The following TRHDE variants were observed in gnomAD, a reference collection of about 807,000 sequenced individuals.
The protein encoded by TRHDE is thyrotropin-releasing hormone-degrading ectoenzyme.
Under a neutral mutation model 125.7 loss-of-function variants are expected in TRHDE, and 72 were observed. That is an observed-to-expected ratio of 0.57 (90% confidence interval 0.47 to 0.70). TRHDE has a LOEUF of 0.70. Ranked by LOEUF, TRHDE falls within the 30% of genes least tolerant of loss-of-function variation. TRHDE has a pLI of 0.00. For synonymous variants in TRHDE, 509 were observed against 509.1 expected, an observed-to-expected ratio of 1.00 and a Z score of 0.00; for missense variants, 1,110 against 1,327.1, an observed-to-expected ratio of 0.84 and a Z score of 2.54.
chr12:72,121,035 A>C (rs1203641917), intron 2 of TRHDE, among the ~76,000 whole-genome samples: 1 of 152,060 alleles, frequency 6.6e-6, no homozygotes, highest in Admixed American at 6.6e-5. Context: ...TGCCTTGAAA[A>C]GTTGTAGATA....
At chr12:72,316,330 G>A (rs1462797925) in intron 2 of TRHDE, among the ~76,000 whole-genome samples, 1 of 152,116 alleles carries the variant, frequency 6.6e-6, no homozygotes, top group African/African-American at 2.4e-5. Flanking sequence ...CGCATTGCCT[G>A]TAAACAGGTA....
chr12:72,575,606 G>A, intron 12 of TRHDE, 64 bp downstream of exon 12: 1 of 1,380,234 alleles, frequency 7.2e-7, no homozygotes, highest in East Asian at 2.3e-5. Context: ...GTATTAAACT[G>A]CATAATATGT....
At chr12:72,334,481 G>A (rs1325840930) in intron 2 of TRHDE, among the ~76,000 whole-genome samples, 1 of 152,198 alleles carries the variant, frequency 6.6e-6, no homozygotes, top group East Asian at 1.9e-4. Flanking sequence ...AGAAATGAAG[G>A]GGAGCCGGAT....
At chr12:72,320,573 G>C (rs1347371596) in intron 2 of TRHDE, among the ~76,000 whole-genome samples, 2 of 151,646 alleles carry the variant, frequency 1.3e-5, no homozygotes, top group Non-Finnish European at 2.9e-5. Context: ...GTGTGTGTGT[G>C]TGTGTGTGTA....
Position 72,273,231 on chromosome 12 carries a change from T to C in TRHDE, c.588T>C (p.Asn196=), listed in dbSNP as rs1879327203. 6.2e-7 allele frequency: 1 copy of C among 1,613,620 alleles called. No individual in the cohort carries two copies. The highest frequency in any genetic ancestry group is 1.3e-5 in the African/African-American group (1 of 74,912). The change falls in exon 1 of 19, where the codon AAT becomes AAC. Residue 196 remains asparagine (N), a synonymous_variant. Transcript: ENST00000261180. The surrounding 1 kb of genome is among the most constrained non-coding windows in gnomAD (Gnocchi z 5.3). The part of the protein sequence containing the change: ...LSGHLKPLHY[N]LMLTAFMENF... ...GCCACCTGAAGCCGCTGCACTACAATCTGATGCTCACCGCCTTCATGGAGA... is the reference window on the plus strand; with the variant it reads ...GCCACCTGAAGCCGCTGCACTACAACCTGATGCTCACCGCCTTCATGGAGA...
intron 12 of TRHDE, among the ~76,000 whole-genome samples, chr12:72,618,663 T>G (rs903838792): frequency 6.6e-5 from 10 of 152,166 alleles, no homozygotes; most frequent in African/African-American, 2.4e-4. Flanking sequence ...AAATATGCGT[T>G]CTGATGTTTT....
chr12:72,102,100 A>G (rs1302780599), intron 1 of TRHDE, among the ~76,000 whole-genome samples: 1 of 152,188 alleles, frequency 6.6e-6, no homozygotes, highest in African/African-American at 2.4e-5. Flanking sequence ...CAAAATGAAC[A>G]CAATTGGGAG....
At chr12:72,227,203 T>G (rs1878146132) in intron 2 of TRHDE, among the ~76,000 whole-genome samples, 1 of 152,188 alleles carries the variant, frequency 6.6e-6, no homozygotes, top group South Asian at 2.1e-4. Flanking sequence ...TAGTCTTTTC[T>G]CATGCTGCTA....
chr12:72,135,629 T>C (rs1875967211), intron 2 of TRHDE, among the ~76,000 whole-genome samples: 2 of 152,128 alleles, frequency 1.3e-5, no homozygotes, highest in Admixed American at 6.5e-5. Flanking sequence ...CTCAAGTCTC[T>C]GAAAGGACTC....
chr12:72,280,359 T>A (rs1432850765), intron 1 of TRHDE, among the ~76,000 whole-genome samples: 2 of 152,320 alleles, frequency 1.3e-5, no homozygotes, highest in African/African-American at 4.8e-5. Context: ...TGGCTGGAGA[T>A]CTGCTACTTG....
At chr12:72,637,269 A>G (rs1358676672) in intron 15 of TRHDE, among the ~76,000 whole-genome samples, 1 of 152,150 alleles carries the variant, frequency 6.6e-6, no homozygotes, top group African/African-American at 2.4e-5. Context: ...CATTTCTTCT[A>G]GATTTTCTAG....
chr12:72,379,968 C>A (rs1872069482), intron 3 of TRHDE, among the ~76,000 whole-genome samples: 1 of 152,042 alleles, frequency 6.6e-6, no homozygotes, highest in Non-Finnish European at 1.5e-5. Flanking sequence ...TTTGTAAATA[C>A]CCCTTACATA....
At chr12:72,232,553 A>G (rs927086786) in intron 2 of TRHDE, among the ~76,000 whole-genome samples, 1 of 152,128 alleles carries the variant, frequency 6.6e-6, no homozygotes, top group African/African-American at 2.4e-5. Flanking sequence ...CAGAGCATCA[A>G]GAATACAGAA....
intron 2 of TRHDE, among the ~76,000 whole-genome samples, chr12:72,129,729 A>G (rs955229911): frequency 2.0e-5 from 3 of 152,234 alleles, no homozygotes; most frequent in African/African-American, 7.2e-5. Context: ...TTTATTGGAT[A>G]GGCAAAATTT....
intron 12 of TRHDE, among the ~76,000 whole-genome samples, chr12:72,611,695 A>G (rs1384962417): frequency 7.2e-5 from 11 of 152,126 alleles, no homozygotes; most frequent in Admixed American, 7.2e-4. Context: ...GCTGTGTGAA[A>G]TTGTCTAGGT....
intron 2 of TRHDE, among the ~76,000 whole-genome samples, chr12:72,118,903 G>A (rs541881949): frequency 6.6e-6 from 1 of 151,674 alleles, no homozygotes; most frequent in African/African-American, 2.4e-5. Flanking sequence ...CTCATTTTTT[G>A]TCTCTGATTT....
intron 12 of TRHDE, among the ~76,000 whole-genome samples, chr12:72,585,101 A>C (rs1166143345): frequency 6.6e-6 from 1 of 152,174 alleles, no homozygotes; most frequent in Non-Finnish European, 1.5e-5. Context: ...GCTGTTGGCA[A>C]CCATTTGCTT....
At chr12:72,121,180 A>G (rs977121015) in intron 2 of TRHDE, among the ~76,000 whole-genome samples, 1 of 151,952 alleles carries the variant, frequency 6.6e-6, no homozygotes, top group East Asian at 1.9e-4. Flanking sequence ...CCTTCAGATG[A>G]TTTCTTTTTT....
chr12:72,533,551 C>CT lies in TRHDE; in HGVS notation c.1723-8734dup, dbSNP rs540841726. 2.2e-3 allele frequency among the ~76,000 whole-genome samples: 337 copies of CT among 151,950 alleles called. 2 individuals are homozygous for CT. The highest frequency in any genetic ancestry group is 7.6e-3 in the African/African-American group (315 of 41,492). On this transcript the variant is annotated intron_variant, in intron 6 of 18. Transcript: ENST00000261180. ...AATATTCTTATTTTAGTTTTAAAAA[C>CT]TTTTTTCTGTAGCTATGTGCCCATT... is the stretch of plus-strand genomic sequence containing the variant.
Sources: allele counts gnomAD v4.1 joint callset (sites outside exome capture counted in the v4.1 genomes callset), GRCh38; gene constraint gnomAD v4.1.1; non-coding constraint Gnocchi (gnomAD v3.1); transcripts MANE v1.5; gene names NCBI Gene and HGNC (gene_info 2026-07-23, HGNC 2026-07-21).